RABGAP1L: variants seen among roughly 807,000 people sequenced by gnomAD.
RABGAP1L encodes the protein rab GTPase-activating protein 1-like.
In RABGAP1L, 63 loss-of-function variants were observed where a neutral mutation model predicts 137.7. The observed-to-expected ratio is 0.46, with a 90% CI of 0.37 to 0.56. RABGAP1L has a LOEUF of 0.56. RABGAP1L is among the 20% of genes least tolerant of loss of function. The pLI is 0.00. For missense variants in RABGAP1L, 1,095 were observed against 1,244.0 expected (o/e 0.88, Z 1.80); for synonymous variants, 431 against 433.7 (o/e 0.99, Z 0.08).
intron 13 of RABGAP1L, among the ~76,000 whole-genome samples, chr1:174,624,463 A>G (rs1175011993): frequency 6.6e-6 from 1 of 152,180 alleles, no homozygotes; most frequent in Non-Finnish European, 1.5e-5. Flanking sequence ...TTGAGCCCCC[A>G]GATCCTATTA....
At chr1:174,799,786 G>A in intron 18 of RABGAP1L, 1 of 966,294 alleles carries the variant, frequency 1.0e-6, no homozygotes, top group Non-Finnish European at 1.2e-6. Flanking sequence ...AGCAGCAGCA[G>A]CAGCAACAAC....
At chr1:174,383,626 C>T (rs965123611) in intron 12 of RABGAP1L, among the ~76,000 whole-genome samples, 2 of 152,218 alleles carry the variant, frequency 1.3e-5, no homozygotes, top group African/African-American at 4.8e-5. Flanking sequence ...CCAAGTGAGG[C>T]AATGCCTCGC....
intron 5 of RABGAP1L, among the ~76,000 whole-genome samples, chr1:174,246,988 G>A (rs1337799072): frequency 6.6e-6 from 1 of 152,136 alleles, no homozygotes; most frequent in Admixed American, 6.6e-5. Context: ...TTAATGTACT[G>A]TCGTGTTCTT....
rs773581126 is a variant in RABGAP1L, at chr1:174,714,465, C to T, written c.2169+12209C>T. The stretch of plus-strand genomic sequence containing the variant: ...TCTAACTTTACATATGGTAGACATA[C>T]TCAAAGTATCTGTTGAAGGAAAATA... On this transcript the variant is annotated intron_variant, in intron 17 of 25. Transcript: ENST00000681986. Among the ~76,000 whole-genome samples, 90 of 152,278 alleles carry T rather than the reference C, an allele frequency of 5.9e-4. 1 individual carries two copies. The highest frequency in any genetic ancestry group is 2.4e-4 in the Non-Finnish European group (16 of 68,024).
At chr1:174,357,550 G>T (rs1683740344) in intron 11 of RABGAP1L, among the ~76,000 whole-genome samples, 1 of 152,162 alleles carries the variant, frequency 6.6e-6, no homozygotes, top group African/African-American at 2.4e-5. Flanking sequence ...GAATGTTGTA[G>T]ATATTAAACA....
At chr1:174,916,097 T>C (rs1660830484) in intron 19 of RABGAP1L, among the ~76,000 whole-genome samples, 1 of 149,852 alleles carries the variant, frequency 6.7e-6, no homozygotes, top group Non-Finnish European at 1.5e-5. Flanking sequence ...TTTTTTGGTA[T>C]GGTATGAGGT....
chr1:174,865,502 A>C (rs1651043120), intron 19 of RABGAP1L, among the ~76,000 whole-genome samples: 1 of 152,216 alleles, frequency 6.6e-6, no homozygotes, highest in African/African-American at 2.4e-5. Context: ...AATTTATAGC[A>C]TATTTTCTTT....
At chr1:174,179,295 C>G (rs558385710) in intron 1 of RABGAP1L, among the ~76,000 whole-genome samples, 5 of 152,224 alleles carry the variant, frequency 3.3e-5, no homozygotes, top group African/African-American at 9.6e-5. Context: ...TACCCAAGTC[C>G]TTACAACTAT....
intron 11 of RABGAP1L, among the ~76,000 whole-genome samples, chr1:174,312,046 A>G (rs1034852337): frequency 2.6e-5 from 4 of 152,340 alleles, no homozygotes; most frequent in South Asian, 2.1e-4. Flanking sequence ...CAGTGTTGCA[A>G]CAAACACAGG....
chr1:174,461,437 A>G (rs569827619), intron 13 of RABGAP1L, among the ~76,000 whole-genome samples: 60 of 152,350 alleles, frequency 3.9e-4, no homozygotes, highest in African/African-American at 1.4e-3. Context: ...ATTGTCTAAC[A>G]AGCAAGCATG....
intron 4 of RABGAP1L, among the ~76,000 whole-genome samples, chr1:174,232,753 G>A (rs567743859): frequency 3.1e-4 from 45 of 143,750 alleles, no homozygotes; most frequent in African/African-American, 1.1e-3. Flanking sequence ...AGAGCAAGAC[G>A]CCATCTCAAA....
intron 11 of RABGAP1L, among the ~76,000 whole-genome samples, chr1:174,307,076 C>T (rs996728995): frequency 2.0e-5 from 3 of 149,896 alleles, no homozygotes; most frequent in Non-Finnish European, 3.0e-5. Flanking sequence ...TTATTTGAGT[C>T]TTACAATCCC....
intron 11 of RABGAP1L, among the ~76,000 whole-genome samples, chr1:174,353,160 C>G (rs1683339765): frequency 6.6e-6 from 1 of 152,160 alleles, no homozygotes; most frequent in Non-Finnish European, 1.5e-5. Flanking sequence ...ATTCCCTTTT[C>G]CCTTTTGACC....
intron 11 of RABGAP1L, among the ~76,000 whole-genome samples, chr1:174,342,897 C>T (rs1234712897): frequency 6.6e-6 from 1 of 152,054 alleles, no homozygotes; most frequent in African/African-American, 2.4e-5. Context: ...TGCCACCATG[C>T]CCAGCTAATT....
intron 18 of RABGAP1L, among the ~76,000 whole-genome samples, chr1:174,805,133 G>A (rs761799728): frequency 1.4e-4 from 21 of 152,154 alleles, no homozygotes; most frequent in Non-Finnish European, 2.5e-4. Flanking sequence ...GGATATGCTT[G>A]AAGTGGAGCC....
At chr1:174,635,111 A>T (rs1673865784) in intron 13 of RABGAP1L, among the ~76,000 whole-genome samples, 1 of 151,986 alleles carries the variant, frequency 6.6e-6, no homozygotes, top group African/African-American at 2.4e-5. Context: ...AGGCAAATTT[A>T]CTCTCTAGAT....
At chr1:174,386,175 C>A (rs911215407) in intron 12 of RABGAP1L, among the ~76,000 whole-genome samples, 1 of 152,190 alleles carries the variant, frequency 6.6e-6, no homozygotes, top group Non-Finnish European at 1.5e-5. Flanking sequence ...GAGGTAATAA[C>A]TGACAGTTCA....
chr1:174,613,329 A>C lies in RABGAP1L; in HGVS notation c.1711-24046A>C, dbSNP rs979229809. Among the ~76,000 whole-genome samples, 130 of 152,320 alleles carry C rather than the reference A, an allele frequency of 8.5e-4. 4 individuals carry two copies. Among genetic ancestry groups the C allele is most frequent in the Non-Finnish European group, 8.2e-4 (56 of 68,034 alleles). On this transcript the variant is annotated intron_variant, in intron 13 of 25. Transcript: ENST00000681986. Reference sequence around the variant, plus strand: ...TTTGTTATGTACCCAGTAGTCATTCAGGAGCAGGTTGTTCAGTTTCCATGT... The same window carrying C: ...TTTGTTATGTACCCAGTAGTCATTCCGGAGCAGGTTGTTCAGTTTCCATGT...
chr1:174,597,186 G>C (rs549353531), intron 13 of RABGAP1L, among the ~76,000 whole-genome samples: 1 of 151,850 alleles, frequency 6.6e-6, no homozygotes, highest in African/African-American at 2.4e-5. Context: ...TTCTTTTTTT[G>C]ATGTGTCTTT....
Sources: gnomAD v4.1 joint callset for allele counts (sites outside exome capture counted in the v4.1 genomes callset) on GRCh38, gnomAD v4.1.1 for gene constraint, MANE v1.5 for transcripts, NCBI Gene and HGNC (gene_info 2026-07-23, HGNC 2026-07-21) for gene names.